TENM3: variants seen among roughly 807,000 people sequenced by gnomAD.
TENM3 encodes teneurin-3.
Under a neutral mutation model 255.1 loss-of-function variants are expected in TENM3, and 63 were observed. The ratio of observed to expected loss-of-function variants is 0.25; its 90% CI spans 0.20 to 0.30. The LOEUF is 0.30. TENM3 is among the 10% of genes least tolerant of loss of function. The probability of loss-of-function intolerance (pLI) is 1.00; values close to 1 mark genes in which losing one functional copy is unlikely to be tolerated. For missense variants in TENM3, 2,929 were observed against 3,461.1 expected (o/e 0.85, Z 3.86); for synonymous variants, 1,306 against 1,322.3 (o/e 0.99, Z 0.27).
chr4:181,668,272 A>T, the TENM3 span, among the ~76,000 whole-genome samples: 1 of 152,180 alleles, frequency 6.6e-6, no homozygotes, highest in African/African-American at 2.4e-5. Flanking sequence ...CTACCCTATC[A>T]CTAGGCTTAC....
At chr4:182,228,368 G>A (rs1434537668) in intron 1 of TENM3, among the ~76,000 whole-genome samples, 2 of 82,022 alleles carry the variant, frequency 2.4e-5, no homozygotes, top group Admixed American at 2.5e-4. Context: ...ATGTGTGTGT[G>A]TGTGTGTGTG....
At chr4:181,983,286 G>T in the TENM3 span, among the ~76,000 whole-genome samples, 5 of 152,204 alleles carry the variant, frequency 3.3e-5, no homozygotes, top group Admixed American at 1.3e-4. Context: ...GAGCTCTCAC[G>T]TGAAAAATCT....
At chr4:181,595,442 A>AACAAAAAAAAAAC in the TENM3 span, among the ~76,000 whole-genome samples, 15 of 147,122 alleles carry the variant, frequency 1.0e-4, no homozygotes, top group African/African-American at 3.8e-4. Flanking sequence ...AAAAAAAAAA[A>AACAAAAAAAAAAC]AAAAAAAAAA....
intron 4 of TENM3, among the ~76,000 whole-genome samples, chr4:182,618,115 G>A (rs959672939): frequency 6.6e-6 from 1 of 152,170 alleles, no homozygotes; most frequent in Non-Finnish European, 1.5e-5. Flanking sequence ...AACTGCTTAT[G>A]AAGTTAATCT....
chr4:181,527,047 G>T, the TENM3 span, among the ~76,000 whole-genome samples: 2 of 151,850 alleles, frequency 1.3e-5, no homozygotes, highest in Admixed American at 1.3e-4. Context: ...CCACCCTGCT[G>T]AAGCTCACTC....
chr4:182,188,595 G>A, intron 1 of TENM3, among the ~76,000 whole-genome samples: 1 of 152,190 alleles, frequency 6.6e-6, no homozygotes, highest in East Asian at 1.9e-4. Flanking sequence ...AGTGGGTCCA[G>A]TATGACTTTG....
intron 1 of TENM3, among the ~76,000 whole-genome samples, chr4:182,284,812 C>T (rs981863565): frequency 3.9e-5 from 6 of 152,144 alleles, no homozygotes; most frequent in Non-Finnish European, 7.4e-5. Flanking sequence ...GCAGTGGTGG[C>T]GGCGATAGAG....
chr4:181,742,947 A>G, the TENM3 span, among the ~76,000 whole-genome samples: 2 of 151,212 alleles, frequency 1.3e-5, no homozygotes, highest in Non-Finnish European at 2.9e-5. Flanking sequence ...TGTTCTTACG[A>G]TAGTTTACTG....
intron 3 of TENM3, among the ~76,000 whole-genome samples, chr4:182,479,782 T>C (rs1201650220): frequency 2.0e-5 from 3 of 152,028 alleles, no homozygotes; most frequent in African/African-American, 7.2e-5. Flanking sequence ...GTAAATATTT[T>C]TGATCTCTTA....
intron 4 of TENM3, among the ~76,000 whole-genome samples, chr4:182,612,880 G>T (rs1448483090): frequency 6.6e-6 from 1 of 152,132 alleles, no homozygotes; most frequent in African/African-American, 2.4e-5. Context: ...ATTGTTTTCT[G>T]CCTTGTTTTG....
chr4:181,508,370 T>G, the TENM3 span, among the ~76,000 whole-genome samples: 1 of 152,212 alleles, frequency 6.6e-6, no homozygotes, highest in Non-Finnish European at 1.5e-5. Context: ...CCATTCACAC[T>G]GGAACTCCAA....
Position 182,195,305 on chromosome 4 carries a change from G to A in TENM3, c.-76+50551G>A, listed in dbSNP as rs574953295. 3.9e-5 allele frequency among the ~76,000 whole-genome samples: 6 copies of A among 152,252 alleles called. No homozygotes were observed. The East Asian group carries it at 7.7e-4, about 20-fold the overall frequency. ...TGATGGCTGATCAACCTGTCTTGAA[G>A]TGAATGAGGGAGAATATTTTAACGT... On this transcript the variant is annotated intron_variant, in intron 1 of 2. Transcript: ENST00000512480.
intron 1 of TENM3, among the ~76,000 whole-genome samples, chr4:182,299,995 G>A (rs562909457): frequency 2.0e-5 from 3 of 151,436 alleles, no homozygotes; most frequent in South Asian, 2.1e-4. Context: ...GGCTTAATGC[G>A]GCCTCTGCCT....
At chr4:182,058,134 T>C in the TENM3 span, among the ~76,000 whole-genome samples, 2 of 126,218 alleles carry the variant, frequency 1.6e-5, no homozygotes, top group Admixed American at 1.0e-4. Context: ...CCATATCTTT[T>C]TAGCCATAAA....
the TENM3 span, among the ~76,000 whole-genome samples, chr4:181,993,617 G>T: frequency 6.6e-6 from 1 of 152,102 alleles, no homozygotes; most frequent in Admixed American, 6.6e-5. Context: ...CCAGTGCTTT[G>T]CATTTAAGCC....
the TENM3 span, among the ~76,000 whole-genome samples, chr4:181,600,673 T>C: frequency 2.6e-5 from 4 of 151,266 alleles, no homozygotes; most frequent in East Asian, 7.8e-4. Context: ...CATTCTTTCT[T>C]TGATATCCCA....
intron 3 of TENM3, among the ~76,000 whole-genome samples, chr4:182,411,456 A>C (rs571900646): frequency 2.6e-5 from 4 of 152,278 alleles, no homozygotes; most frequent in Admixed American, 2.0e-4. Flanking sequence ...GGAGGTTCTG[A>C]GTATGGCATT....
chr4:181,856,858 C>G, the TENM3 span, among the ~76,000 whole-genome samples: 2 of 152,192 alleles, frequency 1.3e-5, no homozygotes, highest in Non-Finnish European at 2.9e-5. Context: ...AGCACCTGGA[C>G]AGAGTAGGAG....
chr4:182,138,818 C>G, the TENM3 span, among the ~76,000 whole-genome samples: 1 of 152,132 alleles, frequency 6.6e-6, no homozygotes, highest in South Asian at 2.1e-4. Context: ...TTTGTCTTTA[C>G]TTCGCATTAT....
Sources: gnomAD v4.1 joint callset for allele counts (sites outside exome capture counted in the v4.1 genomes callset) on GRCh38, gnomAD v4.1.1 for gene constraint, MANE v1.5 for transcripts, NCBI Gene and HGNC (gene_info 2026-07-23, HGNC 2026-07-21) for gene names.